The following PTPRT variants were observed in gnomAD, a reference collection of about 807,000 sequenced individuals.
The protein encoded by PTPRT is protein tyrosine phosphatase receptor type T, also known as receptor-type tyrosine-protein phosphatase T.
A neutral mutation model predicts 176.8 loss-of-function variants in PTPRT; 56 were observed. The observed-to-expected ratio is 0.32, with a 90% CI of 0.26 to 0.40. The LOEUF (loss-of-function observed/expected upper bound fraction) is 0.40. Among genes scored for constraint, PTPRT ranks in the 10% least tolerant of loss-of-function variants. PTPRT has a pLI of 1.00. For missense variants in PTPRT, 1,540 were observed against 1,908.2 expected (o/e 0.81, Z 3.60); for synonymous variants, 783 against 739.0 (o/e 1.06, Z -0.96).
chr20:42,902,385 C>A (rs2079417505), intron 1 of PTPRT, among the ~76,000 whole-genome samples: 2 of 152,094 alleles, frequency 1.3e-5, no homozygotes, highest in Non-Finnish European at 2.9e-5. Context: ...TGCCCTTTGA[C>A]CCCACTCCAC....
intron 26 of PTPRT, 98 bp from the exon 27 acceptor site, chr20:42,098,650 G>T: frequency 6.7e-7 from 1 of 1,487,094 alleles, no homozygotes; most frequent in South Asian, 1.3e-5. Context: ...TCCAGAGCCT[G>T]CCAAATAGAT....
intron 1 of PTPRT, among the ~76,000 whole-genome samples, chr20:43,048,181 T>G (rs1283403728): frequency 1.3e-5 from 2 of 150,384 alleles, no homozygotes; most frequent in Non-Finnish European, 3.0e-5. Flanking sequence ...GCAGAGGGGG[T>G]GGGGTCCAGG....
intron 1 of PTPRT, among the ~76,000 whole-genome samples, chr20:43,168,367 C>A (rs1471540230): frequency 1.3e-5 from 2 of 152,150 alleles, no homozygotes; most frequent in Non-Finnish European, 2.9e-5. Context: ...TGTCTTGCCT[C>A]ACATCAGGAA....
At chr20:43,145,587 A>G (rs1052467187) in intron 1 of PTPRT, among the ~76,000 whole-genome samples, 8 of 152,252 alleles carry the variant, frequency 5.3e-5, no homozygotes, top group African/African-American at 1.9e-4. Context: ...GACAGAAAGA[A>G]GGAAAGCCCA....
At chr20:42,932,867 T>C (rs1979951040) in intron 1 of PTPRT, among the ~76,000 whole-genome samples, 1 of 152,142 alleles carries the variant, frequency 6.6e-6, no homozygotes, top group Non-Finnish European at 1.5e-5. Flanking sequence ...AAGAGAAAAA[T>C]GCAAAATGGC....
chr20:43,141,040 T>C (rs573600771), intron 1 of PTPRT, among the ~76,000 whole-genome samples: 8 of 152,198 alleles, frequency 5.3e-5, no homozygotes, highest in Admixed American at 1.3e-4. Context: ...GTAGCACAAA[T>C]GCCAGGCTGA....
chr20:42,053,464 AGCTCC>A, the PTPRT span, among the ~76,000 whole-genome samples: 1 of 152,160 alleles, frequency 6.6e-6, no homozygotes, highest in Admixed American at 6.5e-5. Flanking sequence ...AGGTGTGACA[AGCTCC>A]GCTGTGGGCC....
chr20:43,158,898 A>C (rs576150117), intron 1 of PTPRT, among the ~76,000 whole-genome samples: 2 of 152,364 alleles, frequency 1.3e-5, no homozygotes, highest in African/African-American at 4.8e-5. Context: ...AGTAAGTGAC[A>C]AAATCCATCT....
chr20:42,112,232 G>T (rs530501983), intron 22 of PTPRT, among the ~76,000 whole-genome samples: 2 of 152,264 alleles, frequency 1.3e-5, no homozygotes, highest in East Asian at 3.9e-4. Flanking sequence ...GGGCACTATT[G>T]GTGCCCACTC....
intron 7 of PTPRT, among the ~76,000 whole-genome samples, chr20:42,557,033 G>C (rs1412973147): frequency 6.6e-6 from 1 of 152,086 alleles, no homozygotes; most frequent in Non-Finnish European, 1.5e-5. Context: ...TACTGGGAAA[G>C]ACTAACATCC....
intron 7 of PTPRT, among the ~76,000 whole-genome samples, chr20:42,548,714 C>T (rs947625553): frequency 6.6e-6 from 1 of 152,006 alleles, no homozygotes; most frequent in Non-Finnish European, 1.5e-5. Context: ...TGTCTTAAAT[C>T]GACAACCAAA....
intron 6 of PTPRT, among the ~76,000 whole-genome samples, chr20:42,748,812 A>T (rs991640367): frequency 6.6e-6 from 1 of 150,892 alleles, no homozygotes; most frequent in Non-Finnish European, 1.5e-5. Context: ...GGTACAAATA[A>T]CCCCCTCCTC....
Position 42,771,447 on chromosome 20 carries a change from C to T in PTPRT, c.672G>A (p.Lys224=), listed in dbSNP as rs751189496. ...CTCTCATGCTTACCTGGAGCCAAAG[C>T]TTGTCATGCTGAGACCACTTCCCAC... is the stretch of plus-strand genomic sequence containing the variant. ...IAGGKWSQHD[K]LWLQQWNGRD... is the part of the protein sequence containing the mutation. The change falls in exon 5 of 31, where the codon AAG becomes AAA. Residue 224 remains lysine (K), a synonymous_variant. Coordinates refer to ENST00000373187, the MANE Select transcript of PTPRT (RefSeq NM_007050.6). The T allele has an allele frequency of 9.9e-6, 16 of 1,613,702 alleles. No homozygotes were observed. Among genetic ancestry groups the T allele is most frequent in the Non-Finnish European group, 8.5e-7 (1 of 1,179,732 alleles).
At chr20:42,786,741 G>A (rs2077296692) in intron 3 of PTPRT, among the ~76,000 whole-genome samples, 1 of 152,142 alleles carries the variant, frequency 6.6e-6, no homozygotes. Flanking sequence ...TATATATGGG[G>A]TTTCTAATTG....
intron 19 of PTPRT, among the ~76,000 whole-genome samples, chr20:42,123,532 G>C (rs752312744): frequency 6.6e-6 from 1 of 152,194 alleles, no homozygotes; most frequent in Non-Finnish European, 1.5e-5. Context: ...CTCAGAGGAG[G>C]TGGTGGTTGA....
intron 7 of PTPRT, among the ~76,000 whole-genome samples, chr20:42,581,880 A>G (rs75782202): frequency 6.6e-6 from 1 of 152,368 alleles, no homozygotes; most frequent in East Asian, 1.9e-4. Flanking sequence ...TGCCTAAAGC[A>G]TTACTGGGCA....
chr20:42,772,849 G>A (rs2077082764), intron 4 of PTPRT, among the ~76,000 whole-genome samples: 2 of 152,212 alleles, frequency 1.3e-5, no homozygotes. Flanking sequence ...TATGATAAAT[G>A]CTTTGCATGC....
chr20:42,598,483 T>C (rs1479152752), intron 7 of PTPRT, among the ~76,000 whole-genome samples: 1 of 152,182 alleles, frequency 6.6e-6, no homozygotes, highest in African/African-American at 2.4e-5. Flanking sequence ...TCTTATGTTT[T>C]GTAAAATATA....
At chr20:42,923,636 C>G (rs1979297036) in intron 1 of PTPRT, among the ~76,000 whole-genome samples, 1 of 152,164 alleles carries the variant, frequency 6.6e-6, no homozygotes, top group South Asian at 2.1e-4. Context: ...AAAACCAGAG[C>G]CTGAACAGGG....
Sources: gnomAD v4.1 joint callset for allele counts (sites outside exome capture counted in the v4.1 genomes callset) on GRCh38, gnomAD v4.1.1 for gene constraint, MANE v1.5 for transcripts, NCBI Gene and HGNC (gene_info 2026-07-23, HGNC 2026-07-21) for gene names.